FGF14: variants seen among roughly 807,000 people sequenced by gnomAD.
FGF14 encodes the protein fibroblast growth factor homologous factor 4.
Under a neutral mutation model 25.5 loss-of-function variants are expected in FGF14, and 5 were observed. The observed-to-expected ratio is 0.20, with a 90% CI of 0.10 to 0.41. FGF14 has a LOEUF of 0.41. FGF14 is among the 10% of genes least tolerant of loss of function. FGF14 has a pLI of 1.00. For missense variants in FGF14, 222 were observed against 320.1 expected (o/e 0.69, Z 2.34); for synonymous variants, 138 against 118.3 (o/e 1.17, Z -1.08).
chr13:102,161,622 G>GTC (rs1594217424), intron 1 of FGF14, among the ~76,000 whole-genome samples: 4 of 5,042 alleles, frequency 7.9e-4, no homozygotes, highest in African/African-American at 5.3e-3. Context: ...AGAAGAAGAA[G>GTC]AAGAAGAAGA....
chr13:102,309,184 C>T (rs1241733515), intron 1 of FGF14, among the ~76,000 whole-genome samples: 2 of 128,194 alleles, frequency 1.6e-5, no homozygotes, highest in East Asian at 2.9e-4. Context: ...CACAGTAATG[C>T]GTTGAGTGCC....
chr13:101,900,536 C>A (rs2031395088), intron 1 of FGF14, among the ~76,000 whole-genome samples: 1 of 152,086 alleles, frequency 6.6e-6, no homozygotes, highest in Admixed American at 6.5e-5. Flanking sequence ...CATGAATGAA[C>A]CTGCAAATAC....
At chr13:101,990,093 G>A (rs749322735) in intron 1 of FGF14, among the ~76,000 whole-genome samples, 4 of 152,084 alleles carry the variant, frequency 2.6e-5, no homozygotes, top group South Asian at 2.1e-4. Context: ...GTCAAAACTC[G>A]GAACACACAA....
intron 1 of FGF14, among the ~76,000 whole-genome samples, chr13:102,119,333 C>A (rs1393672843): frequency 6.6e-6 from 1 of 152,044 alleles, no homozygotes; most frequent in Non-Finnish European, 1.5e-5. Flanking sequence ...CAGACTATAT[C>A]GTGGGGAGAG....
chr13:101,913,163 G>A (rs1156404016), intron 1 of FGF14, among the ~76,000 whole-genome samples: 1 of 152,200 alleles, frequency 6.6e-6, no homozygotes, highest in Non-Finnish European at 1.5e-5. Context: ...TAGAAGTGAG[G>A]AGAAGATGCT....
chr13:102,195,468 A>G (rs1028949889), intron 1 of FGF14, among the ~76,000 whole-genome samples: 2 of 152,188 alleles, frequency 1.3e-5, no homozygotes, highest in African/African-American at 4.8e-5. Flanking sequence ...AGCAACCATT[A>G]AGAAAAGAAT....
chr13:101,851,770 TCA>T (rs1490311235), intron 3 of FGF14, among the ~76,000 whole-genome samples: 1 of 152,064 alleles, frequency 6.6e-6, no homozygotes, highest in Non-Finnish European at 1.5e-5. Context: ...CATTCAATAG[TCA>T]CAATTGAAAA....
intron 1 of FGF14, among the ~76,000 whole-genome samples, chr13:102,285,959 T>A (rs1241741896): frequency 1.3e-5 from 2 of 152,162 alleles, no homozygotes; most frequent in Admixed American, 6.5e-5. Flanking sequence ...GTACCCCTCA[T>A]GGAACAGGAT....
chr13:101,916,711 G>A lies in FGF14; in HGVS notation c.-66C>T. On this transcript the variant is annotated 5_prime_UTR_variant, in exon 1 of 5. Transcript: ENST00000376143. Reference sequence around the variant, plus strand: ...GGACGGCGAGCCGGGGGCACCGGAGGGGAAGGCGGCGGCGCAGACCGTGGC... The same window carrying A: ...GGACGGCGAGCCGGGGGCACCGGAGAGGAAGGCGGCGGCGCAGACCGTGGC... The A allele has an allele frequency of 7.2e-7, 1 of 1,386,116 alleles. No individual in the cohort carries two copies. Among genetic ancestry groups the A allele is most frequent in the Non-Finnish European group, 9.5e-7 (1 of 1,048,450 alleles). The allele number at this position is 1,386,116 out of a possible 1,614,324, so 85.9% of individuals were successfully genotyped here.
chr13:102,123,471 T>C (rs1352769419), intron 1 of FGF14, among the ~76,000 whole-genome samples: 1 of 152,160 alleles, frequency 6.6e-6, no homozygotes, highest in Non-Finnish European at 1.5e-5. Flanking sequence ...TAAGTAAAAA[T>C]TGATTTTTCT....
chr13:102,318,750 T>C (rs1402571189), intron 1 of FGF14, among the ~76,000 whole-genome samples: 1 of 152,180 alleles, frequency 6.6e-6, no homozygotes. Flanking sequence ...TAAGGTCATA[T>C]TCTGAGGTTC....
chr13:102,088,654 T>G (rs1196678548), intron 1 of FGF14, among the ~76,000 whole-genome samples: 1 of 152,164 alleles, frequency 6.6e-6, no homozygotes, highest in East Asian at 1.9e-4. Context: ...AAATATGTAT[T>G]AAACTGGAAA....
At chr13:102,104,987 T>C (rs1341236356) in intron 1 of FGF14, among the ~76,000 whole-genome samples, 1 of 61,048 alleles carries the variant, frequency 1.6e-5, no homozygotes, top group African/African-American at 3.2e-5. Context: ...TAGCAAGGAC[T>C]GTGTCCAGAA....
Position 102,353,167 on chromosome 13 carries a change from T to C in FGF14, c.208+48304A>G, listed in dbSNP as rs1285608157. 2.0e-5 allele frequency among the ~76,000 whole-genome samples: 3 copies of C among 152,326 alleles called. No homozygotes were observed. The East Asian group carries it at 5.8e-4, about 29-fold the overall frequency. On this transcript the variant is annotated intron_variant, in intron 1 of 4. Coordinates refer to the FGF14 transcript ENST00000376131. Reference sequence around the variant, plus strand: ...TGTATATTGGACTCATGGAAAAATATTAGACATAGTCACGAGAGCAGTGAG... The same window carrying C: ...TGTATATTGGACTCATGGAAAAATACTAGACATAGTCACGAGAGCAGTGAG...
At chr13:102,170,756 AGGT>A (rs1385259064) in intron 1 of FGF14, among the ~76,000 whole-genome samples, 2 of 152,202 alleles carry the variant, frequency 1.3e-5, no homozygotes, top group Non-Finnish European at 2.9e-5. Flanking sequence ...TGGAAACCAA[AGGT>A]AAACCCTTTT....
chr13:101,776,626 C>T (rs181920045), intron 3 of FGF14, among the ~76,000 whole-genome samples: 38 of 152,266 alleles, frequency 2.5e-4, no homozygotes, highest in Admixed American at 4.6e-4. Flanking sequence ...ATCCCAGCTG[C>T]AGAACAAAAC....
chr13:102,370,694 G>A (rs1389284944), intron 1 of FGF14, among the ~76,000 whole-genome samples: 2 of 152,068 alleles, frequency 1.3e-5, no homozygotes, highest in Non-Finnish European at 2.9e-5. Context: ...TTGCCAATGT[G>A]CATCCTGTTA....
At chr13:102,276,959 T>C (rs1170552406) in intron 1 of FGF14, among the ~76,000 whole-genome samples, 1 of 152,186 alleles carries the variant, frequency 6.6e-6, no homozygotes, top group Non-Finnish European at 1.5e-5. Context: ...AAGCAAAAGT[T>C]ATGAAGCTAA....
In FGF14 at chr13:102,173,090, A is replaced by G. The variant is rs1198259992; in HGVS notation, c.208+228381T>C. Among the ~76,000 whole-genome samples the G allele has an allele frequency of 2.0e-5, 3 of 152,212 alleles. No individual in the cohort carries two copies. In the East Asian group the frequency reaches 5.8e-4, roughly 29 times the overall value. On this transcript the variant is annotated intron_variant, in intron 1 of 4. Coordinates refer to the FGF14 transcript ENST00000376131. The stretch of plus-strand genomic sequence containing the variant: ...GGAATATTTGCAAACCATATAGCTG[A>G]TAAGAGGCTAATATCCAAAATATAT...
Sources: gnomAD v4.1 joint callset for allele counts (sites outside exome capture counted in the v4.1 genomes callset) on GRCh38, gnomAD v4.1.1 for gene constraint, MANE v1.5 for transcripts, NCBI Gene and HGNC (gene_info 2026-07-23, HGNC 2026-07-21) for gene names.